DLG2: variants seen among roughly 807,000 people sequenced by gnomAD.
DLG2 encodes discs large MAGUK scaffold protein 2, also known as disks large homolog 2.
A neutral mutation model predicts 132.5 loss-of-function variants in DLG2; 45 were observed. The ratio of observed to expected loss-of-function variants is 0.34; its 90% CI spans 0.27 to 0.44. DLG2 has a LOEUF of 0.44. Ranked by LOEUF, DLG2 falls within the 20% of genes least tolerant of loss-of-function variation. The probability of loss-of-function intolerance (pLI) is 1.00; values close to 1 mark genes in which losing one functional copy is unlikely to be tolerated. For synonymous variants in DLG2, 424 were observed against 419.6 expected (o/e 1.01, Z -0.13); for missense variants, 1,045 against 1,196.9 (o/e 0.87, Z 1.87).
chr11:84,304,416 C>T (rs2098192078), intron 7 of DLG2, among the ~76,000 whole-genome samples: 1 of 152,166 alleles, frequency 6.6e-6, no homozygotes, highest in Non-Finnish European at 1.5e-5. Context: ...GGAAGATGTG[C>T]TTAATCCAGA....
At chr11:85,006,565 T>C (rs1048157580) in intron 6 of DLG2, among the ~76,000 whole-genome samples, 1 of 152,220 alleles carries the variant, frequency 6.6e-6, no homozygotes, top group Non-Finnish European at 1.5e-5. Flanking sequence ...GTGAGATCAG[T>C]GGTGATGTCC....
intron 11 of DLG2, among the ~76,000 whole-genome samples, chr11:84,003,358 T>C (rs1428929811): frequency 1.3e-5 from 2 of 152,176 alleles, no homozygotes; most frequent in African/African-American, 2.4e-5. Context: ...TTTGGGTGTC[T>C]TTATAGCAGC....
chr11:84,468,796 C>T (rs755861213), intron 7 of DLG2, among the ~76,000 whole-genome samples: 1 of 151,616 alleles, frequency 6.6e-6, no homozygotes, highest in Non-Finnish European at 1.5e-5. Context: ...AACCAAGTTC[C>T]AGTTTCTCCT....
intron 7 of DLG2, among the ~76,000 whole-genome samples, chr11:84,449,568 A>G (rs1444380605): frequency 6.6e-6 from 1 of 151,800 alleles, no homozygotes; most frequent in African/African-American, 2.4e-5. Context: ...GCATCTTTAT[A>G]TGAAGTTAAA....
At chr11:84,346,420 T>C in intron 7 of DLG2, among the ~76,000 whole-genome samples, 1 of 152,214 alleles carries the variant, frequency 6.6e-6, no homozygotes, top group East Asian at 1.9e-4. Flanking sequence ...GAAAGTTAGC[T>C]GGGTAAAAAA....
rs181690560 is a variant in DLG2 at position 85,317,418 on chromosome 11, T to A, written c.41-32053A>T. On this transcript the variant is annotated intron_variant, in intron 3 of 27. Transcript: ENST00000376104. ...ATATAATTTTATGCTCCAAAAACAT[T>A]AATTTGCCCAGTATGTAGCAGGCCC... 1.4e-4 allele frequency among the ~76,000 whole-genome samples: 21 copies of A among 151,940 alleles called. 1 individual carries two copies. Among genetic ancestry groups the A allele is most frequent in the African/African-American group, 4.1e-4 (17 of 41,482 alleles).
Position 84,284,880 on chromosome 11 carries a change from T to C in DLG2, c.520-33589A>G, listed in dbSNP as rs572872406. ...CAGCTTGTTCTCAGCCTTTAGTGCATTGCCTGGCATATAACAAAGGACACC... is the reference window on the plus strand; with the variant it reads ...CAGCTTGTTCTCAGCCTTTAGTGCACTGCCTGGCATATAACAAAGGACACC... On this transcript the variant is annotated intron_variant, in intron 7 of 27. Coordinates refer to ENST00000376104, the MANE Select transcript of DLG2 (RefSeq NM_001142699.3). Among the ~76,000 whole-genome samples, 10 of 152,342 alleles carry C rather than the reference T, an allele frequency of 6.6e-5. No homozygotes were observed. In the East Asian group the frequency reaches 1.9e-3, roughly 29 times the overall value.
intron 6 of DLG2, among the ~76,000 whole-genome samples, chr11:84,905,233 G>C (rs2091370169): frequency 6.6e-6 from 1 of 152,040 alleles, no homozygotes; most frequent in Non-Finnish European, 1.5e-5. Context: ...ACATCTGGAA[G>C]TTTTTCTATC....
intron 6 of DLG2, among the ~76,000 whole-genome samples, chr11:84,927,800 T>C (rs1029441423): frequency 6.6e-6 from 1 of 152,036 alleles, no homozygotes; most frequent in African/African-American, 2.4e-5. Flanking sequence ...CTTTTTTCTC[T>C]AAAGTCTAGA....
intron 6 of DLG2, among the ~76,000 whole-genome samples, chr11:84,565,298 T>C (rs1161188447): frequency 1.3e-5 from 2 of 152,128 alleles, no homozygotes; most frequent in Non-Finnish European, 2.9e-5. Flanking sequence ...AGTAGTAGAA[T>C]AGGGCATCAT....
At chr11:85,267,725 GAAGCCTTTCTA>G (rs1268582189) in intron 4 of DLG2, among the ~76,000 whole-genome samples, 1 of 151,968 alleles carries the variant, frequency 6.6e-6, no homozygotes, top group Admixed American at 6.6e-5. Flanking sequence ...ATTTTATAGG[GAAGCCTTTCTA>G]AAATATACAT....
chr11:84,464,596 A>G (rs1194799914), intron 7 of DLG2, among the ~76,000 whole-genome samples: 4 of 151,088 alleles, frequency 2.6e-5, no homozygotes, highest in African/African-American at 9.7e-5. Context: ...ATCTTTTCAG[A>G]GCAAAAATTA....
intron 6 of DLG2, among the ~76,000 whole-genome samples, chr11:85,052,905 G>T (rs2063040110): frequency 6.6e-6 from 1 of 152,126 alleles, no homozygotes; most frequent in African/African-American, 2.4e-5. Flanking sequence ...TTGGAGCTCA[G>T]AATCATTTCA....
At chr11:83,687,214 C>G (rs2079956290) in intron 18 of DLG2, among the ~76,000 whole-genome samples, 1 of 152,172 alleles carries the variant, frequency 6.6e-6, no homozygotes, top group Non-Finnish European at 1.5e-5. Flanking sequence ...TTCTCTTGTT[C>G]TAAGCCACCC....
intron 7 of DLG2, among the ~76,000 whole-genome samples, chr11:84,347,481 C>G (rs2098544306): frequency 6.6e-6 from 1 of 152,166 alleles, no homozygotes; most frequent in Non-Finnish European, 1.5e-5. Flanking sequence ...ACTATCTCCA[C>G]TATAGGTTCT....
intron 6 of DLG2, among the ~76,000 whole-genome samples, chr11:85,080,968 A>T (rs2067157785): frequency 6.6e-6 from 1 of 152,116 alleles, no homozygotes; most frequent in Non-Finnish European, 1.5e-5. Context: ...TTTTATTAAA[A>T]CTACATTATA....
chr11:84,142,837 A>G (rs1244820430), intron 9 of DLG2, among the ~76,000 whole-genome samples: 2 of 152,048 alleles, frequency 1.3e-5, no homozygotes, highest in African/African-American at 2.4e-5. Context: ...AATTAATTGT[A>G]CCACTGACTT....
intron 6 of DLG2, among the ~76,000 whole-genome samples, chr11:84,858,193 A>C (rs2154026919): frequency 6.6e-6 from 1 of 152,168 alleles, no homozygotes; most frequent in East Asian, 1.9e-4. Flanking sequence ...ATGCCCAGCT[A>C]ACCTAAAAAT....
intron 9 of DLG2, among the ~76,000 whole-genome samples, chr11:84,149,655 T>G (rs561092896): frequency 6.6e-6 from 1 of 152,192 alleles, no homozygotes; most frequent in South Asian, 2.1e-4. Flanking sequence ...ATGTGATGCC[T>G]CCAGTTGTGT....
Sources: allele counts gnomAD v4.1 joint callset (sites outside exome capture counted in the v4.1 genomes callset), GRCh38; gene constraint gnomAD v4.1.1; transcripts MANE v1.5; gene names NCBI Gene and HGNC (gene_info 2026-07-23, HGNC 2026-07-21).